MBOAT2: variants seen among roughly 807,000 people sequenced by gnomAD.
MBOAT2 encodes membrane-bound glycerophospholipid O-acyltransferase 2.
Under a neutral mutation model 63.4 loss-of-function variants are expected in MBOAT2, and 28 were observed. That is an observed-to-expected ratio of 0.44 (90% CI 0.33 to 0.61). MBOAT2 has a LOEUF of 0.61. Among genes scored for constraint, MBOAT2 ranks in the 20% least tolerant of loss-of-function variants. The probability of loss-of-function intolerance (pLI) is 0.03; values close to 1 mark genes in which losing one functional copy is unlikely to be tolerated. For missense variants in MBOAT2, 470 were observed against 605.8 expected, an observed-to-expected ratio of 0.78 and a Z score of 2.35; for synonymous variants, 211 against 215.6, an observed-to-expected ratio of 0.98 and a Z score of 0.19.
chr2:8,895,263 C>T (rs1465693583), intron 4 of MBOAT2, among the ~76,000 whole-genome samples: 1 of 152,220 alleles, frequency 6.6e-6, no homozygotes, highest in Admixed American at 6.5e-5. Flanking sequence ...CTACAGAGTG[C>T]TGATTGGCCC....
At chr2:8,960,219 A>C (rs1409189577) in intron 1 of MBOAT2, among the ~76,000 whole-genome samples, 1 of 152,176 alleles carries the variant, frequency 6.6e-6, no homozygotes, top group African/African-American at 2.4e-5. Context: ...TCACATCTAC[A>C]TGGCTTCTTA....
intron 9 of MBOAT2, among the ~76,000 whole-genome samples, chr2:8,868,071 T>G (rs1662031093): frequency 6.6e-6 from 1 of 152,162 alleles, no homozygotes; most frequent in South Asian, 2.1e-4. Context: ...TCCGGTTGTC[T>G]CTTACTTCTT....
rs188600153 is a variant in MBOAT2 at position 8,906,361 on chromosome 2, T to C, written c.395+2260A>G. On this transcript the variant is annotated intron_variant, in intron 4 of 12. Coordinates refer to ENST00000305997, the MANE Select transcript of MBOAT2 (RefSeq NM_138799.4). ...ATGATCTATGAGGCCACGTGACTCA[T>C]GCTTGCTGACAGGATGCAGGCACAA... 3.8e-3 allele frequency among the ~76,000 whole-genome samples: 584 copies of C among 152,362 alleles called. 1 individual carries two copies. Among genetic ancestry groups the C allele is most frequent in the Non-Finnish European group, 5.9e-3 (398 of 68,034 alleles).
chr2:8,993,402 C>A (rs1190187197), intron 1 of MBOAT2, among the ~76,000 whole-genome samples: 1 of 152,216 alleles, frequency 6.6e-6, no homozygotes, highest in Non-Finnish European at 1.5e-5. Context: ...GTAAGAGGCA[C>A]AGACCAGCTG....
intron 3 of MBOAT2, among the ~76,000 whole-genome samples, chr2:8,918,404 T>C (rs889361436): frequency 6.6e-6 from 1 of 152,206 alleles, no homozygotes; most frequent in African/African-American, 2.4e-5. Flanking sequence ...CAAAGATCAC[T>C]GATCTCAGAT....
At chr2:8,980,347 C>T (rs1390221215) in intron 1 of MBOAT2, among the ~76,000 whole-genome samples, 1 of 152,114 alleles carries the variant, frequency 6.6e-6, no homozygotes, top group Admixed American at 6.5e-5. Context: ...ACCCAATCAA[C>T]CCTAAAGACA....
chr2:8,861,922 AAATGG>A lies in MBOAT2; in HGVS notation c.1185+663_1185+667del, dbSNP rs1366422487. Among the ~76,000 whole-genome samples the A allele has an allele frequency of 3.3e-5, 5 of 152,326 alleles. No individual in the cohort carries two copies. The East Asian group carries it at 9.7e-4, about 29-fold the overall frequency. ...CCTCATATATCCCCAAAGTTCCTCA[AAATGG>A]AATACAGTAAATATCTGCTAGTTTG... On this transcript the variant is annotated intron_variant, in intron 11 of 12. Coordinates refer to ENST00000305997, the MANE Select transcript of MBOAT2 (RefSeq NM_138799.4).
chr2:8,905,344 A>G (rs1351728387), intron 4 of MBOAT2, among the ~76,000 whole-genome samples: 1 of 152,126 alleles, frequency 6.6e-6, no homozygotes, highest in Non-Finnish European at 1.5e-5. Flanking sequence ...GCCCATTAAA[A>G]AACAAAACAA....
intron 8 of MBOAT2, among the ~76,000 whole-genome samples, chr2:8,872,471 G>A (rs1220155366): frequency 6.6e-6 from 1 of 152,092 alleles, no homozygotes; most frequent in Non-Finnish European, 1.5e-5. Flanking sequence ...TGTAGAGAGA[G>A]GGGTCTCACT....
chr2:8,924,902 T>G (rs1271192564), intron 3 of MBOAT2, among the ~76,000 whole-genome samples: 1 of 152,160 alleles, frequency 6.6e-6, no homozygotes, highest in African/African-American at 2.4e-5. Context: ...GTAGTTTACA[T>G]GAAGATTTAA....
chr2:9,001,193 A>AT lies in MBOAT2; in HGVS notation c.75+2346dup, dbSNP rs1051977717. 8.6e-5 allele frequency among the ~76,000 whole-genome samples: 13 copies of AT among 150,768 alleles called. No homozygotes were observed. In the South Asian group the frequency reaches 1.1e-3, roughly 12 times the overall value. On this transcript the variant is annotated intron_variant, in intron 1 of 12. Coordinates refer to ENST00000305997, the MANE Select transcript of MBOAT2 (RefSeq NM_138799.4). ...CCTGCCTCAGGCTGTTCCACAGTTA[A>AT]TTTTTTTTTTAAATAAATAGGAGTA... is the stretch of plus-strand genomic sequence containing the variant.
At chr2:8,986,710 G>T (rs1287498811) in intron 1 of MBOAT2, among the ~76,000 whole-genome samples, 1 of 152,188 alleles carries the variant, frequency 6.6e-6, no homozygotes. Flanking sequence ...GCCTTTGGAA[G>T]GTAATTTGGA....
intron 1 of MBOAT2, among the ~76,000 whole-genome samples, chr2:8,969,767 C>T (rs1326366933): frequency 1.3e-5 from 2 of 152,090 alleles, no homozygotes; most frequent in Non-Finnish European, 2.9e-5. Context: ...TCAAAAGAGA[C>T]AAAGAAGGCC....
At chr2:8,943,092 C>T in intron 3 of MBOAT2, 95 bp downstream of exon 3, 2 of 655,958 alleles carry the variant, frequency 3.0e-6, no homozygotes, top group Non-Finnish European at 4.7e-6. Flanking sequence ...TATCACAATT[C>T]ATAATTACTT....
At chr2:8,939,830 C>T (rs1001089414) in intron 3 of MBOAT2, among the ~76,000 whole-genome samples, 1 of 152,204 alleles carries the variant, frequency 6.6e-6, no homozygotes, top group Non-Finnish European at 1.5e-5. Flanking sequence ...CTTGAACTTT[C>T]TCATCCCATA....
In MBOAT2 at chr2:8,882,524, C is replaced by A; in HGVS notation, c.493G>T (p.Asp165Tyr). ...AAAGGCACGTACCTTACAGCTAAAT[C>A]CCTCTGTGAGGAAGTCAGTTCTTCA... ...KDEELTSSQR[D>Y]LAVRRMPSLL... The change falls in exon 6 of 13, where the codon GAT becomes TAT. Residue 165 changes from aspartate (D) to tyrosine (Y), a missense_variant. This residue lies in a region of MBOAT2 where 376 missense variants were observed against 503.8 expected (regional missense o/e 0.75). Transcript: ENST00000305997. 6.2e-7 allele frequency: 1 copy of A among 1,614,208 alleles called. No homozygotes were observed. The highest frequency in any genetic ancestry group is 2.2e-5 in the East Asian group (1 of 44,884).
chr2:8,933,038 AC>A (rs1282461356), intron 3 of MBOAT2, among the ~76,000 whole-genome samples: 2 of 152,176 alleles, frequency 1.3e-5, no homozygotes, highest in Non-Finnish European at 2.9e-5. Context: ...CAAAACTTCA[AC>A]ATGAACCACA....
At chr2:8,950,616 A>G (rs1668761266) in intron 2 of MBOAT2, among the ~76,000 whole-genome samples, 1 of 151,980 alleles carries the variant, frequency 6.6e-6, no homozygotes, top group East Asian at 1.9e-4. Flanking sequence ...TTTAGTAGAG[A>G]CGGGGTTTCA....
At chr2:8,878,945 G>A (rs1240462093) in intron 6 of MBOAT2, among the ~76,000 whole-genome samples, 2 of 150,884 alleles carry the variant, frequency 1.3e-5, no homozygotes, top group East Asian at 1.9e-4. Context: ...GCGTAGTGGC[G>A]GGCGCCTGTA....
Sources: gnomAD v4.1 joint callset for allele counts (sites outside exome capture counted in the v4.1 genomes callset) on GRCh38, gnomAD v4.1.1 for gene constraint, gnomAD v4.1.1 regional missense constraint, MANE v1.5 for transcripts, NCBI Gene and HGNC (gene_info 2026-07-23, HGNC 2026-07-21) for gene names.